CHIA: variants seen among roughly 807,000 people sequenced by gnomAD.
The protein encoded by CHIA is acidic mammalian chitinase.
CHIA carries 47 observed loss-of-function variants against 53.5 expected under a neutral mutation model. The ratio of observed to expected loss-of-function variants is 0.88; its 90% CI spans 0.70 to 1.12. CHIA has a LOEUF of 1.12. Among genes scored for constraint, CHIA ranks in the 50% most tolerant of loss-of-function variants. The pLI, the probability that CHIA is intolerant of heterozygous loss-of-function variation, is 0.00. For synonymous variants in CHIA, 268 were observed against 222.2 expected (o/e 1.21, Z -1.83); for missense variants, 652 against 592.2 (o/e 1.10, Z -1.05).
intron 2 of CHIA, 36 bp downstream of exon 2, chr1:111,310,528 T>A: frequency 6.2e-7 from 1 of 1,613,968 alleles, no homozygotes; most frequent in Non-Finnish European, 8.5e-7. Flanking sequence ...CTTCATCTTA[T>A]CTAGTTTCTT....
chr1:111,294,228 T>G (rs1243405170), intron 1 of CHIA, among the ~76,000 whole-genome samples: 5 of 152,246 alleles, frequency 3.3e-5, no homozygotes, highest in African/African-American at 1.2e-4. Flanking sequence ...TATTCACATT[T>G]TCTTTATTTG....
At chr1:111,314,356 A>G (rs1648967148) in intron 4 of CHIA, among the ~76,000 whole-genome samples, 184 bp from the exon 5 acceptor site, 1 of 152,250 alleles carries the variant, frequency 6.6e-6, no homozygotes, top group Non-Finnish European at 1.5e-5. Flanking sequence ...GGGAACCCTG[A>G]GTGCATTCAT....
chr1:111,319,841 A>C (rs976435105), intron 11 of CHIA, among the ~76,000 whole-genome samples: 23 of 152,330 alleles, frequency 1.5e-4, no homozygotes, highest in East Asian at 1.9e-4. Context: ...ATCTCTAATC[A>C]GTGATTCAGG....
At position 111,311,644 on chromosome 1, in the gene CHIA, G is replaced by A. The variant is rs1156712502; in HGVS notation, c.26-45G>A. The A allele has an allele frequency of 2.5e-6, 4 of 1,608,668 alleles. No individual in the cohort carries two copies. In the South Asian group the frequency reaches 3.3e-5, roughly 13 times the overall value. ...ATCCTTCAGAATTAGATTCTACGGG[G>A]TACAGACAATCGGTTCAAAGTACAT... On this transcript the variant is annotated intron_variant, in intron 2 of 11. Transcript: ENST00000369740.
At chr1:111,297,985 A>G (rs1647341713) in intron 1 of CHIA, among the ~76,000 whole-genome samples, 1 of 151,964 alleles carries the variant, frequency 6.6e-6, no homozygotes. Context: ...CAAAAATCAA[A>G]AGAGACAAAG....
At chr1:111,294,148 C>T (rs751507709) in intron 1 of CHIA, among the ~76,000 whole-genome samples, 8 of 152,272 alleles carry the variant, frequency 5.3e-5, no homozygotes, top group Non-Finnish European at 8.8e-5. Context: ...ATCTGTACAT[C>T]ATTTGGGTAG....
chr1:111,311,795 T>G (rs1388509182), intron 3 of CHIA, 77 bp downstream of exon 3: 1 of 1,482,376 alleles, frequency 6.7e-7, no homozygotes, highest in African/African-American at 1.4e-5. Context: ...AGAGCCGCTG[T>G]TTGCTTCACA....
At chr1:111,315,592 C>T (rs574189959) in intron 6 of CHIA, 157 bp downstream of exon 6, 1 of 718,334 alleles carries the variant, frequency 1.4e-6, no homozygotes, top group Admixed American at 2.8e-5. Flanking sequence ...ATTAAACAAA[C>T]ATTTAATGGC....
At chr1:111,302,228 A>G (rs772128217) in intron 1 of CHIA, among the ~76,000 whole-genome samples, 33 of 151,748 alleles carry the variant, frequency 2.2e-4, no homozygotes, top group Non-Finnish European at 1.0e-4. Context: ...GATTTTCTCT[A>G]TTGTTTTACT....
At chr1:111,303,460 T>C (rs1269769372) in intron 1 of CHIA, among the ~76,000 whole-genome samples, 1 of 152,050 alleles carries the variant, frequency 6.6e-6, no homozygotes, top group East Asian at 1.9e-4. Flanking sequence ...CACATATACA[T>C]ATATACATAC....
At chr1:111,314,025 C>A (rs1648934808) in intron 4 of CHIA, among the ~76,000 whole-genome samples, 1 of 152,104 alleles carries the variant, frequency 6.6e-6, no homozygotes, top group South Asian at 2.1e-4. Flanking sequence ...CTACTGCAAT[C>A]CAACCGAATT....
chr1:111,305,205 A>G (rs1405443455), intron 1 of CHIA, among the ~76,000 whole-genome samples: 2 of 152,192 alleles, frequency 1.3e-5, no homozygotes, highest in Admixed American at 1.3e-4. Flanking sequence ...CAGTATATAC[A>G]GTTGTTTTTT....
intron 1 of CHIA, among the ~76,000 whole-genome samples, chr1:111,296,339 C>T (rs1330832637): frequency 2.0e-5 from 3 of 151,968 alleles, no homozygotes; most frequent in African/African-American, 7.2e-5. Flanking sequence ...ACAGGTGGGA[C>T]GAAGCTTCCA....
intron 5 of CHIA, chr1:111,314,863 A>C (rs2820072): frequency 0.56 from 259,779 of 462,896 alleles, 74,303 homozygotes; most frequent in South Asian, 0.66. Flanking sequence ...TTCTTAAAGT[A>C]TTTCAAGAGT....
intron 1 of CHIA, among the ~76,000 whole-genome samples, chr1:111,308,416 G>A (rs957849101): frequency 1.3e-5 from 2 of 152,178 alleles, no homozygotes; most frequent in African/African-American, 4.8e-5. Flanking sequence ...CCAAAAGCTT[G>A]CGTACTTAAC....
intron 2 of CHIA, among the ~76,000 whole-genome samples, chr1:111,311,382 A>G (rs1273330456): frequency 6.6e-6 from 1 of 152,222 alleles, no homozygotes; most frequent in Non-Finnish European, 1.5e-5. Flanking sequence ...GTCATCATTG[A>G]CTACAGTGAT....
chr1:111,310,605 T>C lies in CHIA; in HGVS notation c.25+113T>C, dbSNP rs1557741724. ...CTACATCCCTATACTTTTCCATTCT[T>C]CTTTCATCATTTCAAATTTCAAATG... is the stretch of plus-strand genomic sequence containing the variant. On this transcript the variant is annotated intron_variant, in intron 2 of 11. Transcript: ENST00000369740. 6 of 1,539,040 alleles carry C rather than the reference T, an allele frequency of 3.9e-6. No individual in the cohort carries two copies. The East Asian group carries it at 1.4e-4, about 35-fold the overall frequency.
rs767298487 is a variant in CHIA, at chr1:111,318,697, A to G, written c.915+19A>G. The G allele has an allele frequency of 1.7e-5, 27 of 1,604,276 alleles. No individual in the cohort carries two copies. The Admixed American group carries it at 4.4e-4, about 26-fold the overall frequency. On this transcript the variant is annotated intron_variant, in intron 9 of 11. Coordinates refer to ENST00000369740, the MANE Select transcript of CHIA (RefSeq NM_201653.4). ...CTACGAGGTATGTAGATTGGACTGA[A>G]AAGTGCTCTGTGAATTCCGTGCACT...
At chr1:111,293,556 A>G (rs1661155550) in intron 1 of CHIA, among the ~76,000 whole-genome samples, 1 of 152,104 alleles carries the variant, frequency 6.6e-6, no homozygotes, top group South Asian at 2.1e-4. Context: ...CTCTGTTTGC[A>G]TTGTCTTTTG....
Sources: allele counts gnomAD v4.1 joint callset (sites outside exome capture counted in the v4.1 genomes callset), GRCh38; gene constraint gnomAD v4.1.1; transcripts MANE v1.5; gene names NCBI Gene and HGNC (gene_info 2026-07-23, HGNC 2026-07-21).